The following GRIN2B variants were observed in gnomAD, a reference collection of about 807,000 sequenced individuals.
GRIN2B encodes glutamate receptor ionotropic, NMDA 2B.
Under a neutral mutation model 114.5 loss-of-function variants are expected in GRIN2B, and 5 were observed. The ratio of observed to expected loss-of-function variants is 0.04; its 90% CI spans 0.02 to 0.09. The LOEUF (loss-of-function observed/expected upper bound fraction) is 0.09. GRIN2B is among the 10% of genes least tolerant of loss of function. The pLI, the probability that GRIN2B is intolerant of heterozygous loss-of-function variation, is 1.00. For synonymous variants in GRIN2B, 787 were observed against 745.1 expected (o/e 1.06, Z -0.92); for missense variants, 1,108 against 1,943.5 (o/e 0.57, Z 8.08).
At chr12:13,948,989 A>G (rs219921) in intron 2 of GRIN2B, among the ~76,000 whole-genome samples, 82,240 of 151,980 alleles carry the variant, frequency 0.54, 23,155 homozygotes, top group East Asian at 0.95. Flanking sequence ...GTCTTAAGAG[A>G]GTGTTCCCAG....
At chr12:13,810,280 A>G (rs1440285652) in intron 3 of GRIN2B, among the ~76,000 whole-genome samples, 1 of 150,578 alleles carries the variant, frequency 6.6e-6, no homozygotes, top group African/African-American at 2.5e-5. Flanking sequence ...CAATGTCACG[A>G]TCTTGGCTTA....
Position 13,980,006 on chromosome 12 carries a change from C to A in GRIN2B, c.-97G>T, listed in dbSNP as rs1274075494. ...TTGGGAATGTCCAGTCCCTTCTTCT[C>A]GCTTGCATATCCACATAAGAAAGAC... is the stretch of plus-strand genomic sequence containing the variant. On this transcript the variant is annotated 5_prime_UTR_variant, in exon 2 of 14. Transcript: ENST00000609686. 1 of 152,086 alleles carries A rather than the reference C, an allele frequency of 6.6e-6. No individual in the cohort carries two copies. Among genetic ancestry groups the A allele is most frequent in the Non-Finnish European group, 1.5e-5 (1 of 68,046 alleles). 9.4% of individuals were successfully genotyped at this position (152,086 alleles called of 1,614,324 possible).
At chr12:13,593,108 A>C (rs1949029291) in intron 10 of GRIN2B, among the ~76,000 whole-genome samples, 1 of 152,220 alleles carries the variant, frequency 6.6e-6, no homozygotes. Context: ...TATCATCAGA[A>C]CGGCCATTCT....
At chr12:13,977,310 C>G (rs566179891) in intron 2 of GRIN2B, 152 of 152,270 alleles carry the variant, frequency 1.0e-3, no homozygotes, top group African/African-American at 3.5e-3. Flanking sequence ...ATTAGACAAT[C>G]CAGTGGTACT....
intron 11 of GRIN2B, among the ~76,000 whole-genome samples, chr12:13,570,224 TC>T (rs1432014313): frequency 6.6e-6 from 1 of 152,200 alleles, no homozygotes; most frequent in Non-Finnish European, 1.5e-5. Context: ...GGAGTTCTTT[TC>T]TTCCCACTGG....
chr12:13,603,738 G>A (rs1024208837), intron 10 of GRIN2B, among the ~76,000 whole-genome samples: 4 of 152,082 alleles, frequency 2.6e-5, no homozygotes, highest in African/African-American at 9.7e-5. Context: ...GAAAGTGGGG[G>A]CAGGGGTGTC....
intron 3 of GRIN2B, among the ~76,000 whole-genome samples, chr12:13,765,127 G>A (rs1304383902): frequency 6.6e-6 from 1 of 152,190 alleles, no homozygotes; most frequent in Non-Finnish European, 1.5e-5. Context: ...ATGACATTTT[G>A]ATGTTAATTC....
intron 3 of GRIN2B, among the ~76,000 whole-genome samples, chr12:13,810,232 T>TC: frequency 1.3e-5 from 2 of 152,038 alleles, no homozygotes; most frequent in African/African-American, 4.8e-5. Flanking sequence ...TTTTTTTTTT[T>TC]CGAGACAGAG....
At chr12:13,897,622 A>G (rs939043824) in intron 2 of GRIN2B, among the ~76,000 whole-genome samples, 3 of 152,184 alleles carry the variant, frequency 2.0e-5, no homozygotes, top group Non-Finnish European at 2.9e-5. Flanking sequence ...CAGGCAGGAC[A>G]CTTATCCCTC....
intron 4 of GRIN2B, among the ~76,000 whole-genome samples, chr12:13,700,498 G>T (rs1310020470): frequency 2.0e-5 from 3 of 152,084 alleles, no homozygotes; most frequent in Admixed American, 1.3e-4. Flanking sequence ...GGCTGTAACT[G>T]CTTTGACCAA....
At chr12:13,843,564 G>A (rs908049884) in intron 3 of GRIN2B, among the ~76,000 whole-genome samples, 1 of 152,048 alleles carries the variant, frequency 6.6e-6, no homozygotes, top group East Asian at 1.9e-4. Context: ...AGGAGCGTAG[G>A]TAAGCTACTA....
chr12:13,790,597 G>A (rs1264159923), intron 3 of GRIN2B, among the ~76,000 whole-genome samples: 1 of 152,126 alleles, frequency 6.6e-6, no homozygotes, highest in Non-Finnish European at 1.5e-5. Context: ...ATAACTTTTG[G>A]GGTAATTGCA....
chr12:13,597,416 T>G (rs1236405542), intron 10 of GRIN2B, among the ~76,000 whole-genome samples: 3 of 152,190 alleles, frequency 2.0e-5, no homozygotes, highest in Non-Finnish European at 4.4e-5. Flanking sequence ...GATCAAAGGC[T>G]ATTCTCCCTA....
chr12:13,959,802 A>C (rs1445769523), intron 2 of GRIN2B, among the ~76,000 whole-genome samples: 2 of 137,368 alleles, frequency 1.5e-5, no homozygotes, highest in African/African-American at 5.6e-5. Flanking sequence ...CACCATTTCC[A>C]ATATTGGGAG....
In GRIN2B at chr12:13,555,332, G is replaced by C. The variant is rs753375792; in HGVS notation, c.*7451C>G. 5.9e-5 allele frequency: 9 copies of C among 152,224 alleles called. No homozygotes were observed. Among genetic ancestry groups the C allele is most frequent in the African/African-American group, 1.2e-4 (5 of 41,460 alleles). 9.4% of individuals were successfully genotyped at this position (152,224 alleles called of 1,614,324 possible). The stretch of plus-strand genomic sequence containing the variant: ...GTTGCCTGAGAGTAGTTTCAGAAGA[G>C]TGGTAGGGTGTAGCCCATTGATGAA... On this transcript the variant is annotated 3_prime_UTR_variant, in exon 14 of 14. Coordinates refer to ENST00000609686, the MANE Select transcript of GRIN2B (RefSeq NM_000834.5).
intron 3 of GRIN2B, among the ~76,000 whole-genome samples, chr12:13,818,079 T>C (rs1332527177): frequency 6.6e-6 from 1 of 152,228 alleles, no homozygotes; most frequent in Non-Finnish European, 1.5e-5. Context: ...TGAATGCCTA[T>C]GAAATAGACT....
chr12:13,567,393 A>T, intron 12 of GRIN2B, 130 bp from the exon 13 acceptor site: 1 of 677,880 alleles, frequency 1.5e-6, no homozygotes, highest in Non-Finnish European at 2.6e-6. Context: ...AGGAGACAAA[A>T]AGAAAGGAAA....
chr12:13,685,309 A>G (rs1003378378), intron 4 of GRIN2B, among the ~76,000 whole-genome samples: 4 of 152,218 alleles, frequency 2.6e-5, no homozygotes. Flanking sequence ...TCCCTCTAAC[A>G]GCTCTGCCAA....
intron 4 of GRIN2B, among the ~76,000 whole-genome samples, chr12:13,748,680 C>G (rs1402384705): frequency 6.6e-6 from 1 of 152,170 alleles, no homozygotes; most frequent in Non-Finnish European, 1.5e-5. Context: ...GAATAAAACT[C>G]TCTTAGCATG....
Sources: allele counts gnomAD v4.1 joint callset (sites outside exome capture counted in the v4.1 genomes callset), GRCh38; gene constraint gnomAD v4.1.1; transcripts MANE v1.5; gene names NCBI Gene and HGNC (gene_info 2026-07-23, HGNC 2026-07-21).